Variants in CNTN4 observed in about 807,000 individuals in gnomAD.
CNTN4 encodes the protein contactin-4.
CNTN4 carries 77 observed loss-of-function variants against 122.5 expected under a neutral mutation model. The ratio of observed to expected loss-of-function variants is 0.63; its 90% CI spans 0.52 to 0.76. The LOEUF is 0.76. Among genes scored for constraint, CNTN4 ranks in the 30% least tolerant of loss-of-function variants. The probability of loss-of-function intolerance (pLI) is 0.00; values close to 1 mark genes in which losing one functional copy is unlikely to be tolerated. For synonymous variants in CNTN4, 512 were observed against 447.0 expected, an observed-to-expected ratio of 1.15 and a Z score of -1.83; for missense variants, 1,256 against 1,259.1, an observed-to-expected ratio of 1.00 and a Z score of 0.04.
chr3:2,373,104 C>T (rs143121226), intron 3 of CNTN4, among the ~76,000 whole-genome samples: 4 of 152,112 alleles, frequency 2.6e-5, no homozygotes, highest in South Asian at 2.1e-4. Context: ...TGTTTCTAAT[C>T]CCCCTGGGGT....
At chr3:2,746,143 G>GAACAAATTTTACACACACACACACAC (rs71058639) in intron 6 of CNTN4, among the ~76,000 whole-genome samples, 2 of 149,902 alleles carry the variant, frequency 1.3e-5, no homozygotes, top group Admixed American at 6.6e-5. Context: ...GCGAGCAATT[G>GAACAAATTTTACACACACACACACAC]AGCTGCCAGT....
chr3:2,932,207 C>G (rs1334062361), intron 13 of CNTN4, among the ~76,000 whole-genome samples: 2 of 151,986 alleles, frequency 1.3e-5, no homozygotes, highest in Non-Finnish European at 2.9e-5. Context: ...GAAACCCTCT[C>G]TTTACTAAAA....
chr3:2,458,576 C>T (rs1229398209), intron 3 of CNTN4, among the ~76,000 whole-genome samples: 1 of 152,068 alleles, frequency 6.6e-6, no homozygotes, highest in Non-Finnish European at 1.5e-5. Flanking sequence ...GCGGACAATA[C>T]TTGTTAAAAC....
chr3:2,972,829 T>C (rs1188021033), intron 13 of CNTN4, among the ~76,000 whole-genome samples: 1 of 151,012 alleles, frequency 6.6e-6, no homozygotes, highest in East Asian at 1.9e-4. Flanking sequence ...TTCATATCCT[T>C]ATCAAATTCC....
At chr3:2,723,235 T>G (rs1406193755) in intron 4 of CNTN4, among the ~76,000 whole-genome samples, 3 of 152,190 alleles carry the variant, frequency 2.0e-5, no homozygotes, top group Non-Finnish European at 2.9e-5. Flanking sequence ...ACTGCGTATC[T>G]GTGTGACTTT....
chr3:2,199,807 G>A (rs1309707547), intron 2 of CNTN4, among the ~76,000 whole-genome samples: 1 of 152,090 alleles, frequency 6.6e-6, no homozygotes, highest in Non-Finnish European at 1.5e-5. Context: ...GTTACTTTAG[G>A]TTAGGTAGTT....
intron 2 of CNTN4, among the ~76,000 whole-genome samples, chr3:2,159,813 A>G (rs2035881112): frequency 6.6e-6 from 1 of 151,864 alleles, no homozygotes; most frequent in Non-Finnish European, 1.5e-5. Flanking sequence ...AATAAGGTCA[A>G]TTTGACACAG....
chr3:2,233,681 C>T (rs146580774), intron 2 of CNTN4, among the ~76,000 whole-genome samples: 57 of 152,196 alleles, frequency 3.7e-4, no homozygotes, highest in African/African-American at 1.3e-3. Context: ...AACAAAGCAG[C>T]CGTATAATAG....
chr3:2,473,231 C>CAA (rs769320613), intron 3 of CNTN4, among the ~76,000 whole-genome samples: 2,253 of 51,006 alleles, frequency 0.044, 36 homozygotes, highest in Middle Eastern at 0.077. Context: ...AACTCCATCT[C>CAA]AAAAAAAAAA....
At chr3:2,521,352 C>CCCCCCCCCCCCCA (rs1553678488) in intron 3 of CNTN4, among the ~76,000 whole-genome samples, 10 of 32,640 alleles carry the variant, frequency 3.1e-4, no homozygotes, top group African/African-American at 1.3e-3. Flanking sequence ...ATCCCCCCCA[C>CCCCCCCCCCCCCA]CCCCCGCAAT....
chr3:2,621,132 C>T (rs1194251040), intron 4 of CNTN4, among the ~76,000 whole-genome samples: 1 of 145,886 alleles, frequency 6.9e-6, no homozygotes, highest in Non-Finnish European at 1.5e-5. Context: ...TTCGTGGACA[C>T]ATAGAAAGTT....
At chr3:2,310,508 A>G (rs561780193) in intron 2 of CNTN4, among the ~76,000 whole-genome samples, 1 of 152,156 alleles carries the variant, frequency 6.6e-6, no homozygotes, top group Admixed American at 6.6e-5. Flanking sequence ...TTTGCAGCAT[A>G]AGGGACCGCC....
chr3:2,916,095 A>G (rs1577255409), intron 12 of CNTN4, among the ~76,000 whole-genome samples: 2 of 152,252 alleles, frequency 1.3e-5, no homozygotes, highest in African/African-American at 4.8e-5. Flanking sequence ...CATTCTCGCA[A>G]TGAGTTGCAC....
At chr3:2,937,684 G>A (rs1015580176) in intron 13 of CNTN4, among the ~76,000 whole-genome samples, 2 of 152,186 alleles carry the variant, frequency 1.3e-5, no homozygotes, top group Non-Finnish European at 2.9e-5. Context: ...GAAACCACCA[G>A]TGAAGCACAA....
At chr3:2,272,281 C>T (rs1458306126) in intron 2 of CNTN4, among the ~76,000 whole-genome samples, 6 of 151,932 alleles carry the variant, frequency 3.9e-5, no homozygotes, top group Admixed American at 6.6e-5. Context: ...CTTAAAATGG[C>T]CTTACTAAGA....
In CNTN4 at chr3:2,584,841, G is replaced by A. The variant is rs555040185; in HGVS notation, c.55+13283G>A. Among the ~76,000 whole-genome samples the A allele has an allele frequency of 1.6e-4, 24 of 151,898 alleles. No homozygotes were observed. The South Asian group carries it at 2.5e-3, about 16-fold the overall frequency. On this transcript the variant is annotated intron_variant, in intron 4 of 24. Transcript: ENST00000418658. ...TTTTGTTTAATTATATTATTCTCAGGGTAAAACTGTATCTTGTTCTCTACA... is the reference window on the plus strand; with the variant it reads ...TTTTGTTTAATTATATTATTCTCAGAGTAAAACTGTATCTTGTTCTCTACA...
chr3:2,581,117 C>G (rs1257659930), intron 4 of CNTN4, among the ~76,000 whole-genome samples: 2 of 152,176 alleles, frequency 1.3e-5, no homozygotes, highest in African/African-American at 4.8e-5. Flanking sequence ...TTTTGGGGCT[C>G]AGGCCCAGAC....
At chr3:2,139,650 C>A (rs1351411689) in intron 2 of CNTN4, among the ~76,000 whole-genome samples, 1 of 152,196 alleles carries the variant, frequency 6.6e-6, no homozygotes, top group Admixed American at 6.5e-5. Context: ...TAATGTGAGC[C>A]TGATGGCAAC....
intron 2 of CNTN4, among the ~76,000 whole-genome samples, chr3:2,266,900 G>A (rs2041073095): frequency 1.3e-5 from 2 of 151,994 alleles, no homozygotes; most frequent in East Asian, 3.9e-4. Flanking sequence ...TAAAACCAGT[G>A]ACAAAATTGC....
Sources: allele counts gnomAD v4.1 joint callset (sites outside exome capture counted in the v4.1 genomes callset), GRCh38; gene constraint gnomAD v4.1.1; transcripts MANE v1.5; gene names NCBI Gene and HGNC (gene_info 2026-07-23, HGNC 2026-07-21).